Variants in NEXN observed in about 807,000 individuals in gnomAD.
The protein encoded by NEXN is nexilin.
Under a neutral mutation model 92.6 loss-of-function variants are expected in NEXN, and 65 were observed. That is an observed-to-expected ratio of 0.70 (90% CI 0.57 to 0.86). The LOEUF is 0.86. Among genes scored for constraint, NEXN ranks in the 40% least tolerant of loss-of-function variants. The pLI is 0.00. For synonymous variants in NEXN, 254 were observed against 242.5 expected (o/e 1.05, Z -0.44); for missense variants, 778 against 771.1 (o/e 1.01, Z -0.11).
chr1:77,931,985 T>C (rs1231695291), intron 9 of NEXN: 1 of 152,216 alleles, frequency 6.6e-6, no homozygotes, highest in Non-Finnish European at 1.5e-5. Flanking sequence ...TGGAGTACAA[T>C]GGTGCAATCT....
chr1:77,900,076 T>G (rs908361992), intron 1 of NEXN, among the ~76,000 whole-genome samples: 5 of 152,198 alleles, frequency 3.3e-5, no homozygotes, highest in African/African-American at 1.2e-4. Flanking sequence ...TCTGAACTTT[T>G]TATTAATATG....
At chr1:77,927,927 A>G (rs185554593) in intron 8 of NEXN, among the ~76,000 whole-genome samples, 1 of 152,218 alleles carries the variant, frequency 6.6e-6, no homozygotes, top group East Asian at 1.9e-4. Flanking sequence ...AGTTCTTTGA[A>G]AATGTTAATT....
At chr1:77,900,032 G>A (rs1031394828) in intron 1 of NEXN, among the ~76,000 whole-genome samples, 2 of 151,980 alleles carry the variant, frequency 1.3e-5, no homozygotes, top group Admixed American at 6.6e-5. Context: ...CTCGTTTGCT[G>A]GCTCTCTATT....
intron 1 of NEXN, among the ~76,000 whole-genome samples, chr1:77,898,613 T>C (rs1647424424): frequency 6.6e-6 from 1 of 152,204 alleles, no homozygotes; most frequent in Admixed American, 6.5e-5. Flanking sequence ...AAGGACTTCA[T>C]GTCTAAAACA....
At chr1:77,918,922 C>A (rs539360491) in intron 5 of NEXN, among the ~76,000 whole-genome samples, 2 of 152,238 alleles carry the variant, frequency 1.3e-5, no homozygotes, top group East Asian at 3.9e-4. Flanking sequence ...GAGTACCTAA[C>A]AAAGTGCTGG....
intron 8 of NEXN, among the ~76,000 whole-genome samples, chr1:77,928,047 G>A (rs1224951931): frequency 1.3e-5 from 2 of 152,134 alleles, no homozygotes; most frequent in East Asian, 3.9e-4. Flanking sequence ...TGGTGGCCAT[G>A]CCTGTAATCT....
intron 11 of NEXN, among the ~76,000 whole-genome samples, chr1:77,937,139 G>T (rs1650831854): frequency 6.6e-6 from 1 of 151,816 alleles, no homozygotes; most frequent in Admixed American, 6.6e-5. Flanking sequence ...AACCGTATCT[G>T]TACAAAAAAT....
At chr1:77,906,169 A>G (rs370819752) in intron 1 of NEXN, among the ~76,000 whole-genome samples, 9 of 152,238 alleles carry the variant, frequency 5.9e-5, no homozygotes, top group African/African-American at 2.2e-4. Flanking sequence ...AGCAAGGAGG[A>G]TTTCAGGAAG....
intron 1 of NEXN, among the ~76,000 whole-genome samples, chr1:77,905,021 T>A (rs1275792995): frequency 6.6e-6 from 1 of 152,202 alleles, no homozygotes. Context: ...CCTAACACTT[T>A]GGGAGGCCAA....
chr1:77,940,982 T>C (rs1349341322), intron 11 of NEXN, among the ~76,000 whole-genome samples: 1 of 152,176 alleles, frequency 6.6e-6, no homozygotes, highest in Non-Finnish European at 1.5e-5. Flanking sequence ...AGAAAAACCA[T>C]GCAACTACTT....
intron 1 of NEXN, among the ~76,000 whole-genome samples, chr1:77,911,518 G>T (rs558196850): frequency 1.3e-5 from 2 of 151,978 alleles, no homozygotes; most frequent in African/African-American, 4.8e-5. Flanking sequence ...CTTGAACCCA[G>T]GAGGTGGAGG....
intron 1 of NEXN, among the ~76,000 whole-genome samples, chr1:77,914,857 C>CAAA (rs566813851): frequency 1.5e-5 from 1 of 67,572 alleles, no homozygotes; most frequent in East Asian, 4.5e-4. Flanking sequence ...AACTACGTCT[C>CAAA]AAAAAAAAAA....
intron 5 of NEXN, chr1:77,924,114 C>A (rs532701690): frequency 1.3e-5 from 2 of 158,214 alleles, no homozygotes; most frequent in South Asian, 1.6e-4. Flanking sequence ...GTAATCCCAG[C>A]ACTTTGGGAG....
Position 77,942,146 on chromosome 1 carries a change from G to A in NEXN, c.1597G>A (p.Glu533Lys), listed in dbSNP as rs1651378601. 6.2e-7 allele frequency: 1 copy of A among 1,613,734 alleles called. No individual in the cohort carries two copies. The highest frequency in any genetic ancestry group is 8.5e-7 in the Non-Finnish European group (1 of 1,179,712). Residue 533 changes from glutamate (E) to lysine (K), a missense_variant, in exon 12 of 13, where the codon GAA becomes AAA. Physicochemically the swap from Glu to Lys is moderately conservative, Grantham distance 56. Coordinates refer to ENST00000334785, the MANE Select transcript of NEXN (RefSeq NM_144573.4). Reference protein sequence around the residue: ...AREEEEQRRIEEQKLLRMQFE... With the variant: ...AREEEEQRRIKEQKLLRMQFE... ...AGAAGAAGAAGAACAAAGAAGAATTGAAGAACAAAAGTTACTACGCATGCA... is the reference window on the plus strand; with the variant it reads ...AGAAGAAGAAGAACAAAGAAGAATTAAAGAACAAAAGTTACTACGCATGCA...
chr1:77,891,138 A>G (rs1647096939), intron 1 of NEXN, among the ~76,000 whole-genome samples: 1 of 152,116 alleles, frequency 6.6e-6, no homozygotes, highest in African/African-American at 2.4e-5. Flanking sequence ...CTTAATTTAT[A>G]GTAGTTTACT....
intron 8 of NEXN, among the ~76,000 whole-genome samples, chr1:77,927,853 T>C (rs1431109675): frequency 2.0e-5 from 3 of 152,136 alleles, no homozygotes; most frequent in Non-Finnish European, 4.4e-5. Context: ...AATGCCTATT[T>C]CTTAAATGGT....
At chr1:77,891,721 C>A (rs1647108738) in intron 1 of NEXN, among the ~76,000 whole-genome samples, 1 of 147,082 alleles carries the variant, frequency 6.8e-6, no homozygotes, top group Non-Finnish European at 1.5e-5. Flanking sequence ...CCTTTTACTT[C>A]CTGATTACCA....
At chr1:77,905,702 G>C (rs1342281959) in intron 1 of NEXN, among the ~76,000 whole-genome samples, 1 of 152,124 alleles carries the variant, frequency 6.6e-6, no homozygotes, top group Non-Finnish European at 1.5e-5. Context: ...TGTACATTGT[G>C]GTCAGTGCTA....
Position 77,933,464 on chromosome 1 carries a change from A to G in NEXN, c.1236A>G (p.Arg412=). The G allele has an allele frequency of 6.2e-7, 1 of 1,609,330 alleles. No homozygotes were observed. Among genetic ancestry groups the G allele is most frequent in the Non-Finnish European group, 8.5e-7 (1 of 1,175,874 alleles). Residue 412 remains arginine (R), a synonymous_variant, in exon 10 of 13, where the codon AGA becomes AGG. Transcript: ENST00000334785. The stretch of plus-strand genomic sequence containing the variant: ...AGAAACAAGAATTTGAACAACTGAG[A>G]CAGGAAATGGGAGAGGTAAGATTTT... ...EMEKQEFEQL[R]QEMGEEEEEN... is the part of the protein sequence containing the mutation.
Sources: allele counts gnomAD v4.1 joint callset (sites outside exome capture counted in the v4.1 genomes callset), GRCh38; gene constraint gnomAD v4.1.1; transcripts MANE v1.5; gene names NCBI Gene and HGNC (gene_info 2026-07-23, HGNC 2026-07-21).